KIAA0825: variants seen among roughly 807,000 people sequenced by gnomAD.
The protein encoded by KIAA0825 is uncharacterized protein KIAA0825.
In KIAA0825, 119 loss-of-function variants were observed where a neutral mutation model predicts 147.6. That is an observed-to-expected ratio of 0.81 (90% CI 0.69 to 0.94). The LOEUF is 0.94. KIAA0825 is among the 40% of genes least tolerant of loss of function. The pLI is 0.00. For missense variants in KIAA0825, 1,381 were observed against 1,472.7 expected, an observed-to-expected ratio of 0.94 and a Z score of 1.02; for synonymous variants, 470 against 518.1, an observed-to-expected ratio of 0.91 and a Z score of 1.26.
intron 20 of KIAA0825, among the ~76,000 whole-genome samples, chr5:94,337,795 G>A (rs970726796): frequency 2.0e-5 from 3 of 152,172 alleles, no homozygotes; most frequent in Non-Finnish European, 4.4e-5. Context: ...GGAGCTACAG[G>A]CAGGGCAGCT....
chr5:94,228,300 G>A (rs547811155), intron 20 of KIAA0825, among the ~76,000 whole-genome samples: 1 of 152,054 alleles, frequency 6.6e-6, no homozygotes, highest in Admixed American at 6.5e-5. Context: ...CACCTCAACG[G>A]CAACAAGTAT....
chr5:94,519,935 A>T, intron 5 of KIAA0825: 1 of 813,588 alleles, frequency 1.2e-6, no homozygotes, highest in African/African-American at 1.8e-5. Flanking sequence ...ATACTCATTT[A>T]TATATATGTG....
intron 20 of KIAA0825, among the ~76,000 whole-genome samples, chr5:94,196,989 T>A (rs1010573271): frequency 6.6e-6 from 1 of 152,238 alleles, no homozygotes; most frequent in African/African-American, 2.4e-5. Context: ...TACCCAGGAA[T>A]GGGATTGCTA....
At chr5:94,593,127 G>C (rs758026072) in intron 1 of KIAA0825, 12 of 744,908 alleles carry the variant, frequency 1.6e-5, no homozygotes, top group Non-Finnish European at 3.0e-5. Context: ...TGGTGAATGT[G>C]TTATACATCA....
At chr5:94,588,486 A>T (rs1033122951) in intron 1 of KIAA0825, among the ~76,000 whole-genome samples, 3 of 152,222 alleles carry the variant, frequency 2.0e-5, no homozygotes, top group Admixed American at 6.5e-5. Flanking sequence ...AACCACAATG[A>T]GATACCATCT....
At chr5:94,243,317 T>C (rs951832835) in intron 20 of KIAA0825, among the ~76,000 whole-genome samples, 4 of 152,212 alleles carry the variant, frequency 2.6e-5, no homozygotes, top group African/African-American at 9.7e-5. Flanking sequence ...ACTATACTTA[T>C]GATCCTGAAT....
At chr5:94,594,335 T>C (rs940873995) in intron 1 of KIAA0825, 24 of 688,978 alleles carry the variant, frequency 3.5e-5, no homozygotes, top group Non-Finnish European at 6.6e-5. Context: ...AAGGTATTGC[T>C]GGCATGAATG....
At chr5:94,499,201 C>A (rs986795239) in intron 5 of KIAA0825, among the ~76,000 whole-genome samples, 1 of 152,150 alleles carries the variant, frequency 6.6e-6, no homozygotes, top group Non-Finnish European at 1.5e-5. Context: ...TCATATGGAA[C>A]TCTCAGGGTT....
chr5:94,391,484 G>A, intron 18 of KIAA0825, 51 bp downstream of exon 18: 1 of 1,539,428 alleles, frequency 6.5e-7, no homozygotes, highest in South Asian at 1.2e-5. Flanking sequence ...AGCAGACGCT[G>A]CCTCAGGCCA....
intron 5 of KIAA0825, among the ~76,000 whole-genome samples, chr5:94,491,239 C>T (rs1408930538): frequency 6.6e-6 from 1 of 152,138 alleles, no homozygotes; most frequent in Non-Finnish European, 1.5e-5. Flanking sequence ...AGAGGTGACA[C>T]ACAAAAGCTA....
intron 1 of KIAA0825, chr5:94,594,454 T>C (rs1440667722): frequency 4.1e-6 from 3 of 739,532 alleles, no homozygotes; most frequent in African/African-American, 1.7e-5. Context: ...TTTGAGTGTA[T>C]CTTGGAAGAA....
intron 2 of KIAA0825, 43 bp from the exon 3 acceptor site, chr5:94,537,170 C>T (rs766307920): frequency 1.3e-6 from 2 of 1,547,174 alleles, no homozygotes; most frequent in South Asian, 1.2e-5. Flanking sequence ...AGTTCCCCCA[C>T]AATGGCCAGG....
chr5:94,484,691 C>G lies in KIAA0825; in HGVS notation c.1132+78G>C, dbSNP rs867361479. 9 of 944,346 alleles carry G rather than the reference C, an allele frequency of 9.5e-6. No individual in the cohort carries two copies. In the South Asian group the frequency reaches 2.3e-4, roughly 25 times the overall value. The allele number at this position is 944,346 out of a possible 1,614,324, so 58.5% of individuals were successfully genotyped here. On this transcript the variant is annotated intron_variant, in intron 6 of 20. Coordinates refer to ENST00000682413, the MANE Select transcript of KIAA0825 (RefSeq NM_001145678.3). ...TTCATGTGTGTTTTTTTCAAGTAATCGTTTTCATTCAAAGCAGCAGGAAGC... is the reference window on the plus strand; with the variant it reads ...TTCATGTGTGTTTTTTTCAAGTAATGGTTTTCATTCAAAGCAGCAGGAAGC...
chr5:94,242,945 A>G (rs1165180565), intron 20 of KIAA0825, among the ~76,000 whole-genome samples: 1 of 151,918 alleles, frequency 6.6e-6, no homozygotes, highest in Non-Finnish European at 1.5e-5. Context: ...TTATTGTCTC[A>G]CTTATATGGA....
intron 20 of KIAA0825, among the ~76,000 whole-genome samples, chr5:94,368,024 A>C (rs1425170198): frequency 6.6e-6 from 1 of 152,228 alleles, no homozygotes; most frequent in Non-Finnish European, 1.5e-5. Flanking sequence ...GAGTCACAAG[A>C]ATAGTTTTGT....
intron 3 of KIAA0825, among the ~76,000 whole-genome samples, chr5:94,535,424 C>T (rs1771771796): frequency 7.0e-6 from 1 of 142,720 alleles, no homozygotes; most frequent in African/African-American, 2.6e-5. Context: ...GCACAAGAAT[C>T]GCTTGAACCA....
chr5:94,460,981 T>C (rs1262612924), intron 12 of KIAA0825, among the ~76,000 whole-genome samples: 4 of 151,976 alleles, frequency 2.6e-5, no homozygotes. Context: ...AGGCAGTGCT[T>C]AGCGTAAAAT....
intron 14 of KIAA0825, among the ~76,000 whole-genome samples, chr5:94,436,982 T>C (rs775958569): frequency 6.6e-6 from 1 of 152,178 alleles, no homozygotes; most frequent in Non-Finnish European, 1.5e-5. Flanking sequence ...TCCTAAGACT[T>C]TGCTGAGGTT....
intron 5 of KIAA0825, among the ~76,000 whole-genome samples, chr5:94,485,724 A>C (rs1266122250): frequency 6.6e-6 from 1 of 151,808 alleles, no homozygotes; most frequent in Non-Finnish European, 1.5e-5. Context: ...TATCCTGGCA[A>C]CCTTTTTGTA....
Sources: gnomAD v4.1 joint callset for allele counts (sites outside exome capture counted in the v4.1 genomes callset) on GRCh38, gnomAD v4.1.1 for gene constraint, MANE v1.5 for transcripts, NCBI Gene and HGNC (gene_info 2026-07-23, HGNC 2026-07-21) for gene names.